PREX2: variants seen among roughly 807,000 people sequenced by gnomAD.
The protein encoded by PREX2 is phosphatidylinositol-3,4,5-trisphosphate dependent Rac exchange factor 2.
A neutral mutation model predicts 203.2 loss-of-function variants in PREX2; 107 were observed. The ratio of observed to expected loss-of-function variants is 0.53; its 90% CI spans 0.45 to 0.62. The LOEUF (loss-of-function observed/expected upper bound fraction) is 0.62. Ranked by LOEUF, PREX2 falls within the 20% of genes least tolerant of loss-of-function variation. The probability of loss-of-function intolerance (pLI) is 0.00; values close to 1 mark genes in which losing one functional copy is unlikely to be tolerated. For synonymous variants in PREX2, 672 were observed against 663.6 expected, an observed-to-expected ratio of 1.01 and a Z score of -0.19; for missense variants, 1,777 against 1,955.9, an observed-to-expected ratio of 0.91 and a Z score of 1.72.
intron 1 of PREX2, among the ~76,000 whole-genome samples, chr8:68,009,172 C>T (rs920837926): frequency 2.0e-5 from 3 of 152,168 alleles, no homozygotes; most frequent in African/African-American, 4.8e-5. Context: ...GCACTAAATA[C>T]GTTTCCTTCT....
intron 25 of PREX2, among the ~76,000 whole-genome samples, chr8:68,109,936 A>G (rs188291288): frequency 5.9e-5 from 9 of 152,344 alleles, no homozygotes; most frequent in African/African-American, 1.7e-4. Flanking sequence ...CCAGTTTTGT[A>G]TGAGGATTTC....
At chr8:68,210,542 G>T (rs1812722745) in intron 37 of PREX2, among the ~76,000 whole-genome samples, 1 of 152,182 alleles carries the variant, frequency 6.6e-6, no homozygotes, top group Non-Finnish European at 1.5e-5. Flanking sequence ...ACCTCGAATT[G>T]TTCTGGTTTC....
intron 34 of PREX2, among the ~76,000 whole-genome samples, chr8:68,153,983 T>C (rs1811492455): frequency 6.6e-6 from 1 of 152,240 alleles, no homozygotes; most frequent in African/African-American, 2.4e-5. Flanking sequence ...TACTTGTTCT[T>C]ATATAAAATT....
intron 4 of PREX2, 41 bp downstream of exon 4, chr8:68,022,181 T>A (rs747977757): frequency 2.0e-6 from 2 of 999,758 alleles, no homozygotes; most frequent in African/African-American, 3.2e-5. Flanking sequence ...TGATATGTGT[T>A]GCTAGATCCA....
intron 27 of PREX2, 40 bp from the exon 28 acceptor site, chr8:68,119,392 T>C (rs1166153930): frequency 7.6e-7 from 1 of 1,324,106 alleles, no homozygotes; most frequent in Admixed American, 1.7e-5. Context: ...ATAAGATGAG[T>C]GATTTTGGTT....
Position 67,952,223 on chromosome 8 carries a change from C to A in PREX2, c.-172C>A, listed in dbSNP as rs1805360302. 1.0e-5 allele frequency: 5 copies of A among 488,372 alleles called. No individual in the cohort carries two copies. Among genetic ancestry groups the A allele is most frequent in the Non-Finnish European group, 6.4e-6 (2 of 314,478 alleles). The allele number at this position is 488,372 out of a possible 1,614,324, so 30.3% of individuals were successfully genotyped here. On this transcript the variant is annotated 5_prime_UTR_variant, in exon 1 of 40. Coordinates refer to ENST00000288368, the MANE Select transcript of PREX2 (RefSeq NM_024870.4). The stretch of plus-strand genomic sequence containing the variant: ...CCCGCGCCGGGATTTCAGCCCGATC[C>A]CCTCCTCTCCCTGCGCCCAGCCTCT...
chr8:67,954,915 G>A (rs1193696622), intron 1 of PREX2, among the ~76,000 whole-genome samples: 1 of 151,946 alleles, frequency 6.6e-6, no homozygotes, highest in African/African-American at 2.4e-5. Flanking sequence ...GGCCGAGGCG[G>A]GTGGATCACC....
chr8:68,079,093 G>A (rs1461773129), intron 15 of PREX2, among the ~76,000 whole-genome samples: 1 of 152,180 alleles, frequency 6.6e-6, no homozygotes, highest in Non-Finnish European at 1.5e-5. Flanking sequence ...GCCAAGGTGG[G>A]AGGTATTGCT....
chr8:68,151,341 T>G (rs923658399), intron 34 of PREX2, among the ~76,000 whole-genome samples: 3 of 151,988 alleles, frequency 2.0e-5, no homozygotes, highest in African/African-American at 7.3e-5. Context: ...CACTTGAGTC[T>G]AAGAGGCCGA....
At chr8:68,091,154 T>C (rs1452970519) in intron 20 of PREX2, among the ~76,000 whole-genome samples, 2 of 152,214 alleles carry the variant, frequency 1.3e-5, no homozygotes, top group Admixed American at 1.3e-4. Flanking sequence ...GGTCCATGAT[T>C]GATTTTGAGG....
At chr8:68,114,340 A>G (rs745696140) in intron 25 of PREX2, 5 of 503,592 alleles carry the variant, frequency 9.9e-6, no homozygotes, top group South Asian at 7.3e-5. Flanking sequence ...AACAAACATT[A>G]CATTGCTATG....
chr8:67,976,657 ACGGGAGAGAGACAGAGAGAGAGACAG>A (rs1806112307), intron 1 of PREX2, among the ~76,000 whole-genome samples: 1 of 58,722 alleles, frequency 1.7e-5, no homozygotes. Context: ...AGAGAGAGAG[ACGGGAGAGAGACAGAGAGAGAGACAG>A]GAGAGAGACA....
rs755665797 is a variant in PREX2 at position 68,044,609 on chromosome 8, T to G, written c.943+19T>G. 11 of 1,515,064 alleles carry G rather than the reference T, an allele frequency of 7.3e-6. No homozygotes were observed. Among genetic ancestry groups the G allele is most frequent in the Non-Finnish European group, 4.6e-6 (5 of 1,091,038 alleles). 93.9% of individuals were successfully genotyped at this position (1,515,064 alleles called of 1,614,324 possible). The stretch of plus-strand genomic sequence containing the variant: ...GGCACCGGTAAGTGATTTGTAGATT[T>G]TAAATGGGATGCCAATAGTAAATAG... On this transcript the variant is annotated intron_variant, in intron 8 of 39. Transcript: ENST00000288368.
At chr8:67,985,998 T>A (rs1172442916) in intron 1 of PREX2, among the ~76,000 whole-genome samples, 1 of 152,176 alleles carries the variant, frequency 6.6e-6, no homozygotes, top group African/African-American at 2.4e-5. Flanking sequence ...TGTAGAAAGA[T>A]CTCAGGCCAG....
intron 37 of PREX2, among the ~76,000 whole-genome samples, chr8:68,192,860 C>G (rs1812325636): frequency 6.6e-6 from 1 of 152,176 alleles, no homozygotes; most frequent in South Asian, 2.1e-4. Context: ...CTCAACAAAA[C>G]TGGTTTTCTC....
intron 1 of PREX2, among the ~76,000 whole-genome samples, chr8:68,003,686 A>C (rs1418712448): frequency 6.6e-6 from 1 of 152,188 alleles, no homozygotes; most frequent in Non-Finnish European, 1.5e-5. Context: ...AGTCAGTACC[A>C]TTAGCCGAGT....
At chr8:67,971,040 G>A (rs1805911679) in intron 1 of PREX2, among the ~76,000 whole-genome samples, 1 of 152,120 alleles carries the variant, frequency 6.6e-6, no homozygotes, top group African/African-American at 2.4e-5. Context: ...GATTAAAGTG[G>A]TCCCATTGAA....
intron 18 of PREX2, among the ~76,000 whole-genome samples, chr8:68,084,959 G>A (rs1809637002): frequency 6.6e-6 from 1 of 152,120 alleles, no homozygotes; most frequent in Non-Finnish European, 1.5e-5. Flanking sequence ...TGAATAAATA[G>A]GAGCAAATCC....
intron 1 of PREX2, among the ~76,000 whole-genome samples, chr8:67,966,316 T>C (rs977635353): frequency 6.6e-6 from 1 of 152,196 alleles, no homozygotes; most frequent in African/African-American, 2.4e-5. Flanking sequence ...TTGTACTATA[T>C]ATCCTTCCTA....
Sources: gnomAD v4.1 joint callset for allele counts (sites outside exome capture counted in the v4.1 genomes callset) on GRCh38, gnomAD v4.1.1 for gene constraint, MANE v1.5 for transcripts, NCBI Gene and HGNC (gene_info 2026-07-23, HGNC 2026-07-21) for gene names.